The following NEK11 variants were observed in gnomAD, a reference collection of about 807,000 sequenced individuals.
NEK11 encodes serine/threonine-protein kinase Nek11.
In NEK11, 72 loss-of-function variants were observed where a neutral mutation model predicts 80.7. The ratio of observed to expected loss-of-function variants is 0.89; its 90% CI spans 0.74 to 1.08. The LOEUF (loss-of-function observed/expected upper bound fraction) is 1.08, where lower values mean the gene tolerates loss of function less well. NEK11 is among the 50% of genes least tolerant of loss of function. NEK11 has a pLI of 0.00. For synonymous variants in NEK11, 251 were observed against 260.7 expected, an observed-to-expected ratio of 0.96 and a Z score of 0.36; for missense variants, 764 against 763.6, an observed-to-expected ratio of 1.00 and a Z score of -0.01.
intron 17 of NEK11, among the ~76,000 whole-genome samples, chr3:131,314,480 T>TAAGTC (rs1022946666): frequency 2.0e-5 from 3 of 152,200 alleles, no homozygotes; most frequent in African/African-American, 7.2e-5. Context: ...AACTGTAGGA[T>TAAGTC]AAGTCTTTTT....
intron 12 of NEK11, among the ~76,000 whole-genome samples, chr3:131,167,210 G>T (rs1266548785): frequency 1.3e-5 from 2 of 152,140 alleles, no homozygotes; most frequent in Non-Finnish European, 2.9e-5. Context: ...CTTCACCTCA[G>T]ATGAGGGAAG....
intron 17 of NEK11, among the ~76,000 whole-genome samples, chr3:131,297,491 C>T (rs2096608514): frequency 6.6e-6 from 1 of 152,068 alleles, no homozygotes; most frequent in South Asian, 2.1e-4. Flanking sequence ...TGTCCTTCAC[C>T]CACTTTTTGA....
chr3:131,213,947 G>A (rs563169212), intron 14 of NEK11, among the ~76,000 whole-genome samples: 7 of 152,294 alleles, frequency 4.6e-5, no homozygotes, highest in Admixed American at 3.3e-4. Flanking sequence ...TAGTTCCGTT[G>A]TAAGTAGAGA....
At chr3:131,281,307 C>G (rs1234561664) in intron 17 of NEK11, among the ~76,000 whole-genome samples, 1 of 152,204 alleles carries the variant, frequency 6.6e-6, no homozygotes, top group East Asian at 1.9e-4. Context: ...CTCATCCTTT[C>G]ATTTAAAAAT....
intron 17 of NEK11, chr3:131,330,415 G>A (rs1362023177): frequency 6.6e-6 from 1 of 152,196 alleles, no homozygotes; most frequent in African/African-American, 2.4e-5. Context: ...AGAACCAACA[G>A]TTTAAGGGAG....
At chr3:131,040,370 A>G (rs2066294220) in intron 3 of NEK11, among the ~76,000 whole-genome samples, 2 of 151,958 alleles carry the variant, frequency 1.3e-5, no homozygotes, top group Admixed American at 1.3e-4. Flanking sequence ...TGTGGGGGTG[A>G]TGGATATGCT....
rs368227653 is a variant in NEK11 at position 131,133,848 on chromosome 3, G to A, written c.539G>A (p.Arg180Gln). The change falls in exon 7 of 18, where the codon CGA (arginine) becomes CAA (glutamine). Residue 180 changes from arginine (R) to glutamine (Q), a missense_variant. Transcript: ENST00000383366. Reference sequence around the variant, plus strand: ...TTTCAAGGAGATTTTGGAGTTTCTCGACTTCTAATGGGATCCTGTGACCTG... The same window carrying A: ...TTTCAAGGAGATTTTGGAGTTTCTCAACTTCTAATGGGATCCTGTGACCTG... Reference protein sequence around the residue: ...LLKIGDFGVSRLLMGSCDLAT... With the variant: ...LLKIGDFGVSQLLMGSCDLAT... 1.2e-5 allele frequency: 19 copies of A among 1,610,098 alleles called. 1 individual carries two copies. The highest frequency in any genetic ancestry group is 9.4e-5 in the African/African-American group (7 of 74,754).
At position 131,204,616 on chromosome 3, in the gene NEK11, C is replaced by T. The variant is rs76661430; in HGVS notation, c.1400-23912C>T. On this transcript the variant is annotated intron_variant, in intron 14 of 17. Transcript: ENST00000383366. ...CACCCACACATTTGGTCACAGGTGTCTTCTGTATTGATTGTTTTCTTGGTG... is the reference window on the plus strand; with the variant it reads ...CACCCACACATTTGGTCACAGGTGTTTTCTGTATTGATTGTTTTCTTGGTG... Among the ~76,000 whole-genome samples, 392 of 150,234 alleles carry T rather than the reference C, an allele frequency of 2.6e-3. 12 individuals carry two copies. In the East Asian group the frequency reaches 0.064, roughly 24 times the overall value.
intron 9 of NEK11, among the ~76,000 whole-genome samples, chr3:131,153,024 T>C (rs376101708): frequency 5.9e-5 from 9 of 152,002 alleles, no homozygotes; most frequent in South Asian, 4.2e-4. Flanking sequence ...GAGGTGGAGG[T>C]TGCAGTGAGC....
intron 3 of NEK11, among the ~76,000 whole-genome samples, chr3:131,061,064 A>G (rs767880206): frequency 1.3e-5 from 2 of 152,224 alleles, no homozygotes; most frequent in Non-Finnish European, 2.9e-5. Context: ...AATCACCTAC[A>G]GCTCCGAGAA....
chr3:131,241,400 G>A (rs1242761602), intron 15 of NEK11, among the ~76,000 whole-genome samples: 1 of 152,078 alleles, frequency 6.6e-6, no homozygotes. Flanking sequence ...CATATGATAT[G>A]CCTTTAGGGA....
intron 17 of NEK11, among the ~76,000 whole-genome samples, chr3:131,275,164 G>A (rs2096273135): frequency 6.6e-6 from 1 of 152,006 alleles, no homozygotes; most frequent in Admixed American, 6.6e-5. Flanking sequence ...GAGGGAGTAT[G>A]GATTAATTTT....
intron 15 of NEK11, among the ~76,000 whole-genome samples, chr3:131,240,130 T>C (rs182390077): frequency 6.6e-6 from 1 of 152,300 alleles, no homozygotes; most frequent in African/African-American, 2.4e-5. Flanking sequence ...GCAAGTTCAC[T>C]GTGGATAGTG....
intron 4 of NEK11, among the ~76,000 whole-genome samples, chr3:131,105,014 G>A (rs1468339899): frequency 6.6e-6 from 1 of 152,136 alleles, no homozygotes; most frequent in African/African-American, 2.4e-5. Context: ...TTGCTTCTTT[G>A]ATGAATCAAA....
intron 3 of NEK11, among the ~76,000 whole-genome samples, chr3:131,059,568 T>G (rs1321556977): frequency 6.6e-6 from 1 of 152,208 alleles, no homozygotes; most frequent in Non-Finnish European, 1.5e-5. Flanking sequence ...ATTTAATTAT[T>G]CCATATAGCC....
At chr3:131,348,960 C>G (rs2097409546) in intron 17 of NEK11, among the ~76,000 whole-genome samples, 1 of 152,050 alleles carries the variant, frequency 6.6e-6, no homozygotes, top group African/African-American at 2.4e-5. Flanking sequence ...TCCTCCTCCT[C>G]ATTATTATTT....
intron 11 of NEK11, among the ~76,000 whole-genome samples, chr3:131,164,424 A>G (rs1160685972): frequency 6.6e-6 from 1 of 152,212 alleles, no homozygotes; most frequent in African/African-American, 2.4e-5. Context: ...ATTCACATAA[A>G]TTGCTTGAGC....
rs542042327 is a variant in NEK11, at chr3:131,088,045, A to G, written c.336+7457A>G. On this transcript the variant is annotated intron_variant, in intron 4 of 17. Transcript: ENST00000383366. ...CTCAGGACTGTCTTCAGTGGTTTGCATTGCTGGGATTGCTGCTGATTGAAG... is the reference window on the plus strand; with the variant it reads ...CTCAGGACTGTCTTCAGTGGTTTGCGTTGCTGGGATTGCTGCTGATTGAAG... 8 of 152,374 alleles carry G rather than the reference A, an allele frequency of 5.3e-5. No individual in the cohort carries two copies. The East Asian group carries it at 1.2e-3, about 22-fold the overall frequency. The allele number at this position is 152,374 out of a possible 1,614,324, so 9.4% of individuals were successfully genotyped here. A position where few individuals can be genotyped will look rare whatever the true frequency, so the allele number is the denominator to read the frequency against.
At chr3:131,030,649 A>C (rs1396340737) in intron 3 of NEK11, among the ~76,000 whole-genome samples, 1 of 152,260 alleles carries the variant, frequency 6.6e-6, no homozygotes. Context: ...TTCCGTAGTC[A>C]GAAAGCTGTC....
Sources: allele counts gnomAD v4.1 joint callset (sites outside exome capture counted in the v4.1 genomes callset), GRCh38; gene constraint gnomAD v4.1.1; transcripts MANE v1.5; gene names NCBI Gene and HGNC (gene_info 2026-07-23, HGNC 2026-07-21).